The following ACO2 variants were observed in gnomAD, a reference collection of about 807,000 sequenced individuals.
ACO2 encodes the protein aconitase 2.
ACO2 carries 31 observed loss-of-function variants against 84.5 expected under a neutral mutation model. The ratio of observed to expected loss-of-function variants is 0.37; its 90% CI spans 0.28 to 0.50. ACO2 has a LOEUF of 0.50. ACO2 is among the 20% of genes least tolerant of loss of function. ACO2 has a pLI of 0.97. For missense variants in ACO2, 685 were observed against 1,029.3 expected, an observed-to-expected ratio of 0.67 and a Z score of 4.58; for synonymous variants, 414 against 412.7, an observed-to-expected ratio of 1.00 and a Z score of -0.04.
chr22:41,528,150 A>C, intron 17 of ACO2, 128 bp downstream of exon 17: 3 of 1,416,024 alleles, frequency 2.1e-6, no homozygotes, highest in Non-Finnish European at 2.9e-6. Flanking sequence ...CCAGTTCTCC[A>C]GGTGGCCCCA....
chr22:41,499,977 G>C, intron 2 of ACO2, 115 bp downstream of exon 2: 2 of 1,336,446 alleles, frequency 1.5e-6, no homozygotes, highest in Non-Finnish European at 2.1e-6. Context: ...GCAGGGTCAA[G>C]GTATTCAAGG....
intron 1 of ACO2, among the ~76,000 whole-genome samples, chr22:41,483,874 G>C (rs1184970001): frequency 6.6e-6 from 1 of 152,138 alleles, no homozygotes; most frequent in Non-Finnish European, 1.5e-5. Context: ...CAACTCAAGA[G>C]GAGGACAGGA....
At chr22:41,485,264 C>T (rs2038138273) in intron 1 of ACO2, among the ~76,000 whole-genome samples, 2 of 151,702 alleles carry the variant, frequency 1.3e-5, no homozygotes, top group African/African-American at 2.4e-5. Flanking sequence ...CCTCCCCTGC[C>T]TGGCTGGGTT....
intron 1 of ACO2, among the ~76,000 whole-genome samples, chr22:41,472,510 T>G (rs1568998192): frequency 6.6e-6 from 1 of 152,210 alleles, no homozygotes; most frequent in South Asian, 2.1e-4. Context: ...CAGGGCACCA[T>G]AACCTCAGAA....
rs764903061 is a variant in ACO2, at chr22:41,515,393, A to G, written c.542A>G (p.Tyr181Cys). Residue 181 changes from tyrosine (Y) to cysteine (C), a missense_variant, in exon 5 of 18, where the codon TAT becomes TGT. Transcript: ENST00000216254. The surrounding 1 kb of genome is among the most constrained non-coding windows in gnomAD (Gnocchi z 5.8). ...ATTTTTCAGATTATTCTGGAAAACT[A>G]TGCGTACCCTGGTGTTCTTCTGATT... is the stretch of plus-strand genomic sequence containing the variant. ...GIIHQIILENYAYPGVLLIGT... is the reference protein window; with the variant it reads ...GIIHQIILENCAYPGVLLIGT... The G allele has an allele frequency of 1.2e-6, 2 of 1,612,682 alleles. No individual in the cohort carries two copies. Among genetic ancestry groups the G allele is most frequent in the South Asian group, 1.1e-5 (1 of 91,024 alleles).
rs916187857 is a variant in ACO2 at position 41,503,487 on chromosome 22, C to T, written c.173+3625C>T. On this transcript the variant is annotated intron_variant, in intron 2 of 17. Coordinates refer to ENST00000216254, the MANE Select transcript of ACO2 (RefSeq NM_001098.3). ...CTGGGATTACAGGCGCCTGCCACCA[C>T]GCCCAGCTAATTTTTGTATTTTTAG... Among the ~76,000 whole-genome samples the T allele has an allele frequency of 5.9e-5, 9 of 152,126 alleles. No homozygotes were observed. In the South Asian group the frequency reaches 1.5e-3, roughly 25 times the overall value.
At chr22:41,492,403 G>A (rs1416150056) in intron 1 of ACO2, among the ~76,000 whole-genome samples, 3 of 152,170 alleles carry the variant, frequency 2.0e-5, no homozygotes, top group Admixed American at 6.5e-5. Flanking sequence ...TTGGGAGGCC[G>A]AGGCAGGCGG....
At chr22:41,522,540 G>A (rs934879658) in intron 9 of ACO2, among the ~76,000 whole-genome samples, 21 of 152,294 alleles carry the variant, frequency 1.4e-4, no homozygotes, top group African/African-American at 5.1e-4. Flanking sequence ...GCCCTCTGAC[G>A]TGCCTACACG....
At chr22:41,481,898 G>A (rs556358064) in intron 1 of ACO2, among the ~76,000 whole-genome samples, 1 of 152,234 alleles carries the variant, frequency 6.6e-6, no homozygotes, top group African/African-American at 2.4e-5. Flanking sequence ...TGTCCCCATG[G>A]AGCTTATATT....
intron 1 of ACO2, among the ~76,000 whole-genome samples, chr22:41,486,044 G>C (rs2038150652): frequency 6.6e-6 from 1 of 152,118 alleles, no homozygotes; most frequent in African/African-American, 2.4e-5. Flanking sequence ...CTCTCTCTGT[G>C]AAGCCTTGTG....
intron 1 of ACO2, among the ~76,000 whole-genome samples, chr22:41,482,997 C>A (rs138465818): frequency 6.2e-4 from 94 of 152,246 alleles, no homozygotes; most frequent in African/African-American, 2.2e-3. Flanking sequence ...GCTTCCAGAC[C>A]TAGTCATGTT....
At chr22:41,525,395 C>T (rs752675548) in intron 14 of ACO2, 47 bp downstream of exon 14, 174 of 1,604,748 alleles carry the variant, frequency 1.1e-4, no homozygotes, top group Non-Finnish European at 1.4e-4. Flanking sequence ...GCCAGGGCCC[C>T]CCGTCCCCTG....
intron 1 of ACO2, among the ~76,000 whole-genome samples, chr22:41,474,055 G>C (rs1355150336): frequency 6.6e-6 from 1 of 152,140 alleles, no homozygotes; most frequent in African/African-American, 2.4e-5. Context: ...AAAAGGAGGA[G>C]GCAGGGAGAC....
chr22:41,517,714 A>T (rs1192175716), intron 7 of ACO2, 83 bp downstream of exon 7: 6 of 1,272,540 alleles, frequency 4.7e-6, no homozygotes, highest in Non-Finnish European at 6.8e-6. Flanking sequence ...CTTTCCCTGT[A>T]GGGCAGGGGT....
chr22:41,524,716 A>C, intron 12 of ACO2, 130 bp from the exon 13 acceptor site: 1 of 1,417,338 alleles, frequency 7.1e-7, no homozygotes, highest in Non-Finnish European at 9.8e-7. Flanking sequence ...CCTCTGAGGA[A>C]CACAGGGGTC....
At chr22:41,470,737 T>A (rs903539953) in intron 1 of ACO2, among the ~76,000 whole-genome samples, 1 of 152,014 alleles carries the variant, frequency 6.6e-6, no homozygotes, top group Non-Finnish European at 1.5e-5. Flanking sequence ...GAGACGGGGT[T>A]TCACCCTGTT....
intron 1 of ACO2, among the ~76,000 whole-genome samples, chr22:41,496,448 C>G (rs1011594715): frequency 6.6e-6 from 1 of 152,070 alleles, no homozygotes; most frequent in African/African-American, 2.4e-5. Flanking sequence ...GTACTCAGTA[C>G]TTTATATAAT....
intron 4 of ACO2, among the ~76,000 whole-genome samples, chr22:41,513,041 A>G (rs1436596619): frequency 6.6e-6 from 1 of 152,124 alleles, no homozygotes; most frequent in East Asian, 1.9e-4. Context: ...CCAGCAGGGG[A>G]TCACTCCTCT....
chr22:41,524,732 A>G (rs958556193), intron 12 of ACO2, 114 bp from the exon 13 acceptor site: 4 of 1,514,444 alleles, frequency 2.6e-6, no homozygotes, highest in Admixed American at 3.5e-5. Flanking sequence ...GGGTCTGGGA[A>G]GAACATGGAA....
Sources: allele counts gnomAD v4.1 joint callset (sites outside exome capture counted in the v4.1 genomes callset), GRCh38; gene constraint gnomAD v4.1.1; non-coding constraint Gnocchi (gnomAD v3.1); transcripts MANE v1.5; gene names NCBI Gene and HGNC (gene_info 2026-07-23, HGNC 2026-07-21).